CERS1: variants seen among roughly 807,000 people sequenced by gnomAD.
CERS1 encodes Embryonic growth/differentiation factor 1.
In CERS1, 16 loss-of-function variants were observed where a neutral mutation model predicts 35.7. The ratio of observed to expected loss-of-function variants is 0.45; its 90% CI spans 0.30 to 0.68. The LOEUF (loss-of-function observed/expected upper bound fraction) is 0.68, where lower values mean the gene tolerates loss of function less well. Ranked by LOEUF, CERS1 falls within the 30% of genes least tolerant of loss-of-function variation. The probability of loss-of-function intolerance (pLI) is 0.08; values close to 1 mark genes in which losing one functional copy is unlikely to be tolerated. For missense variants in CERS1, 454 were observed against 453.9 expected (o/e 1.00, Z 0.00); for synonymous variants, 243 against 201.6 (o/e 1.21, Z -1.74).
chr19:18,870,387 C>A lies in CERS1; in HGVS notation c.*190G>T. 1 of 1,488,030 alleles carries A rather than the reference C, an allele frequency of 6.7e-7. No individual in the cohort carries two copies. The highest frequency in any genetic ancestry group is 9.1e-7 in the Non-Finnish European group (1 of 1,102,762). 92.2% of individuals were successfully genotyped at this position (1,488,030 alleles called of 1,614,324 possible). A position where few individuals can be genotyped will look rare whatever the true frequency, so the allele number is the denominator to read the frequency against. ...AGTGGGCTGAGGGCGGGGCCGGTGTCCCCGGAGGGGCAGGGGTCCTGGGGG... is the reference window on the plus strand; with the variant it reads ...AGTGGGCTGAGGGCGGGGCCGGTGTACCCGGAGGGGCAGGGGTCCTGGGGG... On this transcript the variant is annotated 3_prime_UTR_variant, in exon 7 of 8. Coordinates refer to ENST00000623882, the MANE Select transcript of CERS1 (RefSeq NM_021267.5). This position sits in a 1 kb window ranked among gnomAD's most constrained non-coding sequence, Gnocchi z 5.1.
intron 2 of CERS1, among the ~76,000 whole-genome samples, chr19:18,885,511 GTTTTTTTTTTT>G (rs59793456): frequency 2.3e-4 from 5 of 22,122 alleles, no homozygotes; most frequent in African/African-American, 5.7e-4. Flanking sequence ...GCCCCTTCTC[GTTTTTTTTTTT>G]TTTTTTTTTT....
At chr19:18,888,572 T>C (rs1054071472) in intron 2 of CERS1, among the ~76,000 whole-genome samples, 3 of 144,734 alleles carry the variant, frequency 2.1e-5, no homozygotes, top group Non-Finnish European at 3.0e-5. Context: ...GGCTCATGCC[T>C]GTAATCCCAG....
At chr19:18,893,808 G>A (rs1042251364) in intron 1 of CERS1, among the ~76,000 whole-genome samples, 1 of 152,058 alleles carries the variant, frequency 6.6e-6, no homozygotes, top group African/African-American at 2.4e-5. Context: ...TGAGGGGGGA[G>A]GCCCCGAGGG....
rs578219025 is a variant in CERS1 at position 18,869,398 on chromosome 19, G to T, written c.*595-8C>A. On this transcript the variant is annotated splice_polypyrimidine_tract_variant and splice_region_variant and intron_variant, in intron 7 of 7. Transcript: ENST00000623882. ...AGGCCCGGGTGGGCGCACCTGGGGA[G>T]GTAGGAACAGGAACTCGGCTCGCGC... 5.9e-6 allele frequency: 9 copies of T among 1,528,356 alleles called. No homozygotes were observed. In the South Asian group the frequency reaches 1.1e-4, roughly 18 times the overall value. The allele number at this position is 1,528,356 out of a possible 1,614,324, so 94.7% of individuals were successfully genotyped here.
At chr19:18,881,466 C>T (rs886830103) in intron 3 of CERS1, among the ~76,000 whole-genome samples, 7 of 152,026 alleles carry the variant, frequency 4.6e-5, no homozygotes, top group Admixed American at 1.3e-4. Flanking sequence ...GTGACCCACC[C>T]GCCTTGGCCT....
intron 1 of CERS1, among the ~76,000 whole-genome samples, chr19:18,894,760 C>T (rs981318532): frequency 3.3e-5 from 5 of 152,068 alleles, no homozygotes; most frequent in Non-Finnish European, 5.9e-5. Flanking sequence ...GATATGGGGA[C>T]GGGAGTGGGG....
intron 6 of CERS1, among the ~76,000 whole-genome samples, chr19:18,875,691 G>A (rs564065906): frequency 2.0e-5 from 3 of 152,150 alleles, no homozygotes; most frequent in African/African-American, 4.8e-5. Context: ...TCTTGGTCAT[G>A]AGACCACAAG....
At position 18,880,442 on chromosome 19, in the gene CERS1, G is replaced by A. The variant is rs752786705; in HGVS notation, c.591-7C>T. On this transcript the variant is annotated splice_polypyrimidine_tract_variant and splice_region_variant and intron_variant, in intron 3 of 7. Coordinates refer to ENST00000623882, the MANE Select transcript of CERS1 (RefSeq NM_021267.5). ...GATGCCCACATTGTGGTACCTGGGG[G>A]AGCAGCAGGCAGAGAGGAGAGGGCA... 9 of 1,577,238 alleles carry A rather than the reference G, an allele frequency of 5.7e-6. No individual in the cohort carries two copies. The highest frequency in any genetic ancestry group is 2.0e-4 in the Middle Eastern group (1 of 4,942).
In CERS1 at chr19:18,870,831, C is replaced by T. The variant is rs375134261; in HGVS notation, c.1011-212G>A. On this transcript the variant is annotated intron_variant, in intron 6 of 7. Transcript: ENST00000623882. The surrounding 1 kb of genome is among the most constrained non-coding windows in gnomAD (Gnocchi z 5.1). ...AACCTGCCCCGTAGGCACGTATGTC[C>T]CCCCTGGCACCCTGGCACTTCCTCC... 6.6e-6 allele frequency among the ~76,000 whole-genome samples: 1 copy of T among 152,080 alleles called. No homozygotes were observed. Among genetic ancestry groups the T allele is most frequent in the African/African-American group, 2.4e-5 (1 of 41,402 alleles).
At chr19:18,869,789 A>G (rs547179994) in intron 7 of CERS1, among the ~76,000 whole-genome samples, 194 bp downstream of exon 7, 9 of 151,700 alleles carry the variant, frequency 5.9e-5, no homozygotes, top group African/African-American at 1.5e-4. Flanking sequence ...GGTCTTGGGA[A>G]CCCCCTGACA....
In CERS1 at chr19:18,895,450, C is replaced by T. The variant is rs2056602414; in HGVS notation, c.249+374G>A. On this transcript the variant is annotated intron_variant, in intron 1 of 7. Transcript: ENST00000623882. This position sits in a 1 kb window ranked among gnomAD's most constrained non-coding sequence, Gnocchi z 6.4. ...CGGAAAGAGCGCGCGGTGGCCGGAG[C>T]CATCCACCGCGCGGGGCCCCCTGGT... is the stretch of plus-strand genomic sequence containing the variant. 6.6e-6 allele frequency among the ~76,000 whole-genome samples: 1 copy of T among 150,888 alleles called. No homozygotes were observed. Among genetic ancestry groups the T allele is most frequent in the Non-Finnish European group, 1.5e-5 (1 of 67,672 alleles).
Position 18,880,381 on chromosome 19 carries a change from C to T in CERS1, c.645G>A (p.Gln215=). 1.3e-6 allele frequency: 2 copies of T among 1,580,106 alleles called. No homozygotes were observed. The highest frequency in any genetic ancestry group is 8.6e-7 in the Non-Finnish European group (1 of 1,163,086). ...AAATGTTGAGCTTGGTGAACTCAAGCTGCACGTCACTGATATCGTGCAGGA... is the reference window on the plus strand; with the variant it reads ...AAATGTTGAGCTTGGTGAACTCAAGTTGCACGTCACTGATATCGTGCAGGA... The part of the protein sequence containing the change: ...VLFLHDISDV[Q]LEFTKLNIYF... Residue 215 remains glutamine (Q), a synonymous_variant, in exon 4 of 8, where the codon CAG becomes CAA. Transcript: ENST00000623882.
At chr19:18,869,911 G>A in intron 7 of CERS1, 72 bp downstream of exon 7, 2 of 1,452,156 alleles carry the variant, frequency 1.4e-6, no homozygotes, top group Non-Finnish European at 1.9e-6. Flanking sequence ...GGGCATCCCC[G>A]GGCCACTCTC....
chr19:18,885,669 A>G (rs1031649887), intron 2 of CERS1, among the ~76,000 whole-genome samples: 10 of 147,444 alleles, frequency 6.8e-5, no homozygotes, highest in Non-Finnish European at 1.5e-4. Flanking sequence ...ACAGGCACCC[A>G]CCACCATGCC....
Position 18,870,325 on chromosome 19 carries a change from A to G in CERS1, c.*252T>C. Reference sequence around the variant, plus strand: ...GGTGGCATCTTCCTCCCAGGCGATGACCAGAGAGTGCGCAGGGTCCGCGGC... The same window carrying G: ...GGTGGCATCTTCCTCCCAGGCGATGGCCAGAGAGTGCGCAGGGTCCGCGGC... On this transcript the variant is annotated 3_prime_UTR_variant, in exon 7 of 8. Coordinates refer to ENST00000623882, the MANE Select transcript of CERS1 (RefSeq NM_021267.5). This position sits in a 1 kb window ranked among gnomAD's most constrained non-coding sequence, Gnocchi z 5.1. 6.5e-7 allele frequency: 1 copy of G among 1,544,454 alleles called. No individual in the cohort carries two copies. The highest frequency in any genetic ancestry group is 1.4e-5 in the African/African-American group (1 of 72,674).
Position 18,878,077 on chromosome 19 carries a change from G to A in CERS1, c.1010+853C>T, listed in dbSNP as rs987679562. The A allele has an allele frequency of 3.9e-5, 38 of 985,356 alleles. No individual in the cohort carries two copies. The South Asian group carries it at 9.4e-4, about 24-fold the overall frequency. The allele number at this position is 985,356 out of a possible 1,614,324, so 61.0% of individuals were successfully genotyped here. On this transcript the variant is annotated intron_variant, in intron 6 of 7. Coordinates refer to ENST00000623882, the MANE Select transcript of CERS1 (RefSeq NM_021267.5). The surrounding 1 kb of genome is among the most constrained non-coding windows in gnomAD (Gnocchi z 4.6). The stretch of plus-strand genomic sequence containing the variant: ...CACCTCCCGTTCCAAAAAACGTCAC[G>A]GAGCTCTGAGCCACTGCTTCCCTGA...
At chr19:18,885,374 TC>T (rs201413706) in intron 2 of CERS1, among the ~76,000 whole-genome samples, 5,687 of 151,892 alleles carry the variant, frequency 0.037, 234 homozygotes, top group Admixed American at 0.046. Flanking sequence ...ATAATTTATT[TC>T]TTTTTTAATT....
At chr19:18,879,853 T>C (rs945575786) in intron 4 of CERS1, among the ~76,000 whole-genome samples, 7 of 143,450 alleles carry the variant, frequency 4.9e-5, no homozygotes, top group African/African-American at 1.6e-4. Context: ...GCGCCTCCCT[T>C]TCTCTGCCAG....
At chr19:18,880,139 G>GC in intron 4 of CERS1, 135 bp downstream of exon 4, 1 of 886,514 alleles carries the variant, frequency 1.1e-6, no homozygotes, top group Non-Finnish European at 1.7e-6. Flanking sequence ...AAATCATGAG[G>GC]CCCCTCCCCT....
Sources: allele counts gnomAD v4.1 joint callset (sites outside exome capture counted in the v4.1 genomes callset), GRCh38; gene constraint gnomAD v4.1.1; non-coding constraint Gnocchi (gnomAD v3.1); transcripts MANE v1.5; gene names NCBI Gene and HGNC (gene_info 2026-07-23, HGNC 2026-07-21).